Variants in HMGB1 observed in about 807,000 individuals in gnomAD.
The protein encoded by HMGB1 is high mobility group box 1, also known as high mobility group protein B1.
For missense variants in HMGB1, 79 were observed against 253.5 expected, an observed-to-expected ratio of 0.31 and a Z score of 4.67; for synonymous variants, 81 against 84.0, an observed-to-expected ratio of 0.96 and a Z score of 0.19.
At chr13:30,465,076 G>A in intron 1 of HMGB1, 1 of 868,870 alleles carries the variant, frequency 1.2e-6, no homozygotes, top group African/African-American at 1.9e-5. Flanking sequence ...AAGTTGCCTC[G>A]GAACTGCTGC....
intron 1 of HMGB1, among the ~76,000 whole-genome samples, chr13:30,496,653 G>T (rs1887615066): frequency 2.0e-5 from 3 of 152,176 alleles, no homozygotes; most frequent in Admixed American, 2.0e-4. Flanking sequence ...TATTAAAAAG[G>T]TGTTGCATCT....
intron 1 of HMGB1, among the ~76,000 whole-genome samples, chr13:30,497,554 G>T (rs1171225883): frequency 2.6e-5 from 4 of 151,732 alleles, no homozygotes; most frequent in African/African-American, 9.7e-5. Flanking sequence ...TTGTTACCCA[G>T]TTAATAAGCA....
At position 30,465,783 on chromosome 13, in the gene HMGB1, G is replaced by T. The variant is rs965634497; in HGVS notation, c.-15+13C>A. 1.8e-5 allele frequency: 18 copies of T among 985,542 alleles called. No homozygotes were observed. The Admixed American group carries it at 3.1e-4, about 17-fold the overall frequency. 61.0% of individuals were successfully genotyped at this position (985,542 alleles called of 1,614,324 possible). On this transcript the variant is annotated intron_variant, in intron 1 of 4. Coordinates refer to ENST00000341423, the MANE Select transcript of HMGB1 (RefSeq NM_002128.7). ...GAGGCGCTCTCCCCGCCGCGGCGCTGCCCCAGACTCACCCTCAGCGAGGCA... is the reference window on the plus strand; with the variant it reads ...GAGGCGCTCTCCCCGCCGCGGCGCTTCCCCAGACTCACCCTCAGCGAGGCA...
At position 30,559,833 on chromosome 13, in the gene HMGB1, T is replaced by C. The variant is rs183439352; in HGVS notation, c.-15+56838A>G. ...AAACAGCAGATTGTGAAAGGGTATG[T>C]GACTGACAATTATTAAACAATTAAG... On this transcript the variant is annotated intron_variant, in intron 1 of 4. Coordinates refer to the HMGB1 transcript ENST00000405805. This position sits in a 1 kb window ranked among gnomAD's most constrained non-coding sequence, Gnocchi z 6.6. Among the ~76,000 whole-genome samples, 1 of 152,358 alleles carries C rather than the reference T, an allele frequency of 6.6e-6. No individual in the cohort carries two copies. Among genetic ancestry groups the C allele is most frequent in the African/African-American group, 2.4e-5 (1 of 41,576 alleles).
chr13:30,468,665 G>A (rs548992951), upstream of HMGB1, among the ~76,000 whole-genome samples: 48 of 152,274 alleles, frequency 3.2e-4, no homozygotes, highest in Non-Finnish European at 5.6e-4. Flanking sequence ...AGAGAGAAGA[G>A]TTTAAAAACC....
intron 1 of HMGB1, among the ~76,000 whole-genome samples, chr13:30,565,347 G>A (rs1280029880): frequency 1.3e-5 from 2 of 152,160 alleles, no homozygotes; most frequent in East Asian, 1.9e-4. Flanking sequence ...GAGCTGTCAA[G>A]GGGAATGCTA....
chr13:30,469,024 G>A (rs1262595036), upstream of HMGB1, among the ~76,000 whole-genome samples: 2 of 152,104 alleles, frequency 1.3e-5, no homozygotes, highest in African/African-American at 2.4e-5. Flanking sequence ...CTCCCGAGTA[G>A]CTGGGACTAC....
At position 30,513,805 on chromosome 13, in the gene HMGB1, C is replaced by A. The variant is rs1258473085; in HGVS notation, c.-14-50111G>T. On this transcript the variant is annotated intron_variant, in intron 1 of 4. Coordinates refer to the HMGB1 transcript ENST00000405805. Reference sequence around the variant, plus strand: ...ATCCAATCACCTCCCAAAGGCCCCACTTCTCAATACTGTTGCAGTGGGGAT... The same window carrying A: ...ATCCAATCACCTCCCAAAGGCCCCAATTCTCAATACTGTTGCAGTGGGGAT... 2.0e-5 allele frequency among the ~76,000 whole-genome samples: 3 copies of A among 152,214 alleles called. No individual in the cohort carries two copies. In the East Asian group the frequency reaches 5.8e-4, roughly 29 times the overall value.
chr13:30,566,925 A>G (rs1359652410), intron 1 of HMGB1, among the ~76,000 whole-genome samples: 4 of 152,238 alleles, frequency 2.6e-5, no homozygotes, highest in African/African-American at 9.6e-5. Context: ...TCATGTAGTA[A>G]CTAATGTGGA....
chr13:30,518,882 CA>C (rs1888161284), intron 1 of HMGB1, among the ~76,000 whole-genome samples: 1 of 150,510 alleles, frequency 6.6e-6, no homozygotes. Flanking sequence ...CCACCACACC[CA>C]GCTAATTTTT....
chr13:30,527,579 C>T (rs1430232634), intron 1 of HMGB1, among the ~76,000 whole-genome samples: 1 of 152,078 alleles, frequency 6.6e-6, no homozygotes, highest in African/African-American at 2.4e-5. Flanking sequence ...CCACGACATC[C>T]AGCACTGCCC....
intron 1 of HMGB1, among the ~76,000 whole-genome samples, chr13:30,565,273 A>G (rs772121093): frequency 2.6e-5 from 4 of 152,208 alleles, no homozygotes; most frequent in Admixed American, 6.5e-5. Flanking sequence ...TGTTATTTAC[A>G]AACAACCCAC....
chr13:30,610,771 T>C (rs1338367128), intron 1 of HMGB1, among the ~76,000 whole-genome samples: 1 of 151,710 alleles, frequency 6.6e-6, no homozygotes, highest in Non-Finnish European at 1.5e-5. Flanking sequence ...AAGGTCTATA[T>C]TGCTTAGCAA....
At chr13:30,597,854 T>A (rs1408511656) in intron 1 of HMGB1, among the ~76,000 whole-genome samples, 1 of 152,154 alleles carries the variant, frequency 6.6e-6, no homozygotes, top group Non-Finnish European at 1.5e-5. Flanking sequence ...ACCCCTGGTG[T>A]GTAGGGTTAA....
intron 1 of HMGB1, among the ~76,000 whole-genome samples, chr13:30,604,820 G>C (rs1320107462): frequency 2.0e-5 from 3 of 152,128 alleles, no homozygotes; most frequent in Admixed American, 6.6e-5. Flanking sequence ...ACCACACCCA[G>C]CTAATTTTTT....
intron 1 of HMGB1, chr13:30,464,472 G>T: frequency 1.0e-6 from 1 of 984,846 alleles, no homozygotes; most frequent in African/African-American, 1.7e-5. Flanking sequence ...CGCGGGGCGA[G>T]CCCCCCGCCC....
At position 30,538,693 on chromosome 13, in the gene HMGB1, C is replaced by CTTTG. The variant is rs139765346; in HGVS notation, c.-14-75000_-14-74999insCAAA. 2.0e-3 allele frequency among the ~76,000 whole-genome samples: 228 copies of CTTTG among 111,892 alleles called. 9 individuals are homozygous for CTTTG. The highest frequency in any genetic ancestry group is 8.9e-3 in the African/African-American group (218 of 24,558). The allele number at this position is 111,892 out of a possible 152,430, so 73.4% of individuals were successfully genotyped here. ...CTTTCTTTCTTTCTTTCCTTTCTTT[C>CTTTG]TTTCTTTCTTTTTCTTTCTTTCTTC... On this transcript the variant is annotated intron_variant, in intron 1 of 4. Coordinates refer to the HMGB1 transcript ENST00000405805.
intron 1 of HMGB1, among the ~76,000 whole-genome samples, chr13:30,589,494 A>G (rs1871288665): frequency 6.6e-6 from 1 of 152,194 alleles, no homozygotes; most frequent in Non-Finnish European, 1.5e-5. Flanking sequence ...TGAAATTTCA[A>G]AAGTGTACAG....
chr13:30,607,266 A>G (rs949650486), intron 1 of HMGB1, among the ~76,000 whole-genome samples: 5 of 152,198 alleles, frequency 3.3e-5, no homozygotes, highest in African/African-American at 1.2e-4. Flanking sequence ...TATCACTCAT[A>G]TGGTTTGGCT....
Sources: gnomAD v4.1 joint callset for allele counts (sites outside exome capture counted in the v4.1 genomes callset) on GRCh38, gnomAD v4.1.1 for gene constraint, Gnocchi (gnomAD v3.1) non-coding constraint, MANE v1.5 for transcripts, NCBI Gene and HGNC (gene_info 2026-07-23, HGNC 2026-07-21) for gene names.